Variants in ITFG1 observed in about 807,000 individuals in gnomAD.
ITFG1 encodes T-cell immunomodulatory protein.
Under a neutral mutation model 81.8 loss-of-function variants are expected in ITFG1, and 34 were observed. The ratio of observed to expected loss-of-function variants is 0.42; its 90% confidence interval spans 0.32 to 0.55. The LOEUF is 0.55. ITFG1 is among the 20% of genes least tolerant of loss of function. The pLI is 0.17. For synonymous variants in ITFG1, 285 were observed against 270.6 expected, an observed-to-expected ratio of 1.05 and a Z score of -0.52; for missense variants, 672 against 755.4, an observed-to-expected ratio of 0.89 and a Z score of 1.29.
intron 14 of ITFG1, among the ~76,000 whole-genome samples, chr16:47,203,537 G>C (rs1296460136): frequency 6.6e-6 from 1 of 152,234 alleles, no homozygotes; most frequent in Non-Finnish European, 1.5e-5. Context: ...ATGGGAGACA[G>C]TGACAGATCA....
At chr16:47,160,439 T>C (rs982074613) in intron 16 of ITFG1, among the ~76,000 whole-genome samples, 2 of 151,664 alleles carry the variant, frequency 1.3e-5, no homozygotes, top group Admixed American at 1.3e-4. Context: ...GACTGTTCTA[T>C]GTCCGTGGCA....
intron 12 of ITFG1, among the ~76,000 whole-genome samples, chr16:47,251,148 C>A (rs1966069432): frequency 6.6e-6 from 1 of 152,228 alleles, no homozygotes; most frequent in Non-Finnish European, 1.5e-5. Flanking sequence ...TTACTTCCCA[C>A]TGGAATGCAC....
intron 10 of ITFG1, among the ~76,000 whole-genome samples, chr16:47,307,485 T>C (rs1967188473): frequency 6.6e-6 from 1 of 152,186 alleles, no homozygotes; most frequent in Admixed American, 6.5e-5. Context: ...GGCAATATTA[T>C]TGAAAGAAAA....
In ITFG1 at chr16:47,257,627, T is replaced by C. The variant is rs557241502; in HGVS notation, c.1330+1005A>G. Among the ~76,000 whole-genome samples, 16 of 152,340 alleles carry C rather than the reference T, an allele frequency of 1.1e-4. 1 individual carries two copies. The South Asian group carries it at 1.9e-3, about 18-fold the overall frequency. ...TCCATTTGGATGAAAAATGAAATTA[T>C]TGCAACGAATTCATGGTTTTATAGT... On this transcript the variant is annotated intron_variant, in intron 12 of 17. Transcript: ENST00000320640.
chr16:47,222,362 A>T (rs954862287), intron 13 of ITFG1, among the ~76,000 whole-genome samples: 1 of 149,684 alleles, frequency 6.7e-6, no homozygotes, highest in African/African-American at 2.5e-5. Flanking sequence ...GTCATTCAGG[A>T]GCAGGTTGTT....
At chr16:47,315,034 G>A (rs2151566067) in intron 8 of ITFG1, among the ~76,000 whole-genome samples, 1 of 152,150 alleles carries the variant, frequency 6.6e-6, no homozygotes, top group Middle Eastern at 3.4e-3. Flanking sequence ...AATTAAAAAT[G>A]CACAACAAAG....
intron 9 of ITFG1, chr16:47,313,059 A>G (rs1353151413): frequency 1.3e-5 from 2 of 152,194 alleles, no homozygotes; most frequent in African/African-American, 4.8e-5. Context: ...TTGGGGGTAG[A>G]GAAGCAACAA....
chr16:47,162,733 T>G, intron 14 of ITFG1, 69 bp from the exon 15 acceptor site: 2 of 1,387,754 alleles, frequency 1.4e-6, no homozygotes, highest in Non-Finnish European at 2.0e-6. Context: ...AATATTAAAA[T>G]GATAAAATGT....
chr16:47,258,586 A>G, intron 12 of ITFG1, 46 bp downstream of exon 12: 1 of 858,690 alleles, frequency 1.2e-6, no homozygotes, highest in Non-Finnish European at 2.0e-6. Flanking sequence ...ATGTGGAGAG[A>G]GGGGAAGAGA....
chr16:47,224,845 A>G (rs1340160337), intron 13 of ITFG1, among the ~76,000 whole-genome samples: 1 of 152,174 alleles, frequency 6.6e-6, no homozygotes, highest in East Asian at 1.9e-4. Flanking sequence ...GAAAAGTTAA[A>G]AAAATTAGCT....
intron 6 of ITFG1, among the ~76,000 whole-genome samples, chr16:47,392,471 A>T (rs963440619): frequency 1.3e-5 from 2 of 152,148 alleles, no homozygotes; most frequent in African/African-American, 2.4e-5. Context: ...ATCAGGTCTG[A>T]AATGTGAGGC....
rs199792269 is a variant in ITFG1, at chr16:47,428,760, T to C, written c.655+44A>G. On this transcript the variant is annotated intron_variant, in intron 6 of 17. Transcript: ENST00000320640. ...GTGTACAGTAAATAAAATCCCATACTTCTTTGGTAACTCAAAACAATTCCA... is the reference window on the plus strand; with the variant it reads ...GTGTACAGTAAATAAAATCCCATACCTCTTTGGTAACTCAAAACAATTCCA... 3.9e-5 allele frequency: 46 copies of C among 1,167,802 alleles called. No homozygotes were observed. In the Admixed American group the frequency reaches 6.4e-4, roughly 16 times the overall value. The allele number at this position is 1,167,802 out of a possible 1,614,324, so 72.3% of individuals were successfully genotyped here. A position where few individuals can be genotyped will look rare whatever the true frequency, so the allele number is the denominator to read the frequency against.
rs1443496516 is a variant in ITFG1 at position 47,460,763 on chromosome 16, T to C, written c.208+75A>G. ...CCAGGAAATGCAGAAGGACCGGCCATTGGGCAATGGGTTTGGGGAACACCG... is the reference window on the plus strand; with the variant it reads ...CCAGGAAATGCAGAAGGACCGGCCACTGGGCAATGGGTTTGGGGAACACCG... On this transcript the variant is annotated intron_variant, in intron 1 of 17. Transcript: ENST00000320640. The C allele has an allele frequency of 3.1e-5, 47 of 1,499,464 alleles. 1 individual carries two copies. The highest frequency in any genetic ancestry group is 1.4e-4 in the South Asian group (12 of 85,528). 92.9% of individuals were successfully genotyped at this position (1,499,464 alleles called of 1,614,324 possible). A position where few individuals can be genotyped will look rare whatever the true frequency, so the allele number is the denominator to read the frequency against.
chr16:47,289,669 T>G (rs1239600382), intron 10 of ITFG1, among the ~76,000 whole-genome samples: 1 of 152,190 alleles, frequency 6.6e-6, no homozygotes, highest in Non-Finnish European at 1.5e-5. Context: ...ATGGTCCTTG[T>G]ATTTCTGTGA....
chr16:47,329,161 C>T (rs1464918389), intron 8 of ITFG1, among the ~76,000 whole-genome samples: 2 of 151,932 alleles, frequency 1.3e-5, no homozygotes, highest in African/African-American at 4.8e-5. Context: ...TCATTTAATC[C>T]TAACAATCTA....
Position 47,158,982 on chromosome 16 carries a change from G to A in ITFG1, c.1670C>T (p.Ala557Val). The A allele has an allele frequency of 6.7e-7, 1 of 1,481,492 alleles. No homozygotes were observed. The highest frequency in any genetic ancestry group is 1.3e-5 in the South Asian group (1 of 76,352). The allele number at this position is 1,481,492 out of a possible 1,614,324, so 91.8% of individuals were successfully genotyped here. A position where few individuals can be genotyped will look rare whatever the true frequency, so the allele number is the denominator to read the frequency against. ...YPHNVPRSWS[A>V]KLYLTPSNIV... The stretch of plus-strand genomic sequence containing the variant: ...ATTACTTGGTGTAAGATACAGTTTG[G>A]CACTCCAACTGTAGATAAAAACAGA... Residue 557 changes from alanine to valine, a missense_variant, in exon 17 of 18, where the codon GCC becomes GTC. Physicochemically the swap from Ala to Val is moderately conservative, Grantham distance 64. Around this residue, in one of 3 missense-constraint regions of ITFG1, gnomAD observed 65 missense variants for 103.3 expected, o/e 0.63. Transcript: ENST00000320640.
intron 6 of ITFG1, among the ~76,000 whole-genome samples, chr16:47,382,385 C>A (rs1302998055): frequency 2.6e-5 from 4 of 152,174 alleles, no homozygotes; most frequent in Non-Finnish European, 4.4e-5. Flanking sequence ...TTCCAAGAAT[C>A]ATTTTAAAAT....
intron 10 of ITFG1, among the ~76,000 whole-genome samples, chr16:47,306,892 A>G (rs893090191): frequency 6.6e-6 from 1 of 151,862 alleles, no homozygotes; most frequent in African/African-American, 2.4e-5. Context: ...CAGGAGATCG[A>G]GACCATCCTG....
chr16:47,341,113 G>T (rs1014160718), intron 8 of ITFG1, among the ~76,000 whole-genome samples: 1 of 151,788 alleles, frequency 6.6e-6, no homozygotes, highest in Non-Finnish European at 1.5e-5. Flanking sequence ...AATCACTAGG[G>T]AAATGAGAAA....
Sources: gnomAD v4.1 joint callset for allele counts (sites outside exome capture counted in the v4.1 genomes callset) on GRCh38, gnomAD v4.1.1 for gene constraint, gnomAD v4.1.1 regional missense constraint, MANE v1.5 for transcripts, NCBI Gene and HGNC (gene_info 2026-07-23, HGNC 2026-07-21) for gene names.